TRNT1: variants seen among roughly 807,000 people sequenced by gnomAD.
TRNT1 encodes the protein CCA tRNA nucleotidyltransferase 1, mitochondrial.
A neutral mutation model predicts 45.6 loss-of-function variants in TRNT1; 44 were observed. The observed-to-expected ratio is 0.97, with a 90% confidence interval of 0.76 to 1.24. TRNT1 has a LOEUF of 1.24. Ranked by LOEUF, TRNT1 falls within the 50% of genes most tolerant of loss-of-function variation. TRNT1 has a pLI of 0.00. For missense variants in TRNT1, 633 were observed against 504.4 expected (o/e 1.25, Z -2.44); for synonymous variants, 201 against 171.4 (o/e 1.17, Z -1.35).
chr3:3,137,545 C>T lies in TRNT1; in HGVS notation c.342+92C>T. The T allele has an allele frequency of 3.5e-6, 4 of 1,148,634 alleles. No individual in the cohort carries two copies. In the East Asian group the frequency reaches 1.0e-4, roughly 30 times the overall value. The allele number at this position is 1,148,634 out of a possible 1,614,324, so 71.2% of individuals were successfully genotyped here. ...TAGTTAAAAGCAAATAACGAAAAGTCTAATAAAAAAGTCAGTCTCTTCTAT... is the reference window on the plus strand; with the variant it reads ...TAGTTAAAAGCAAATAACGAAAAGTTTAATAAAAAAGTCAGTCTCTTCTAT... On this transcript the variant is annotated intron_variant, in intron 3 of 7. Coordinates refer to ENST00000251607, the MANE Select transcript of TRNT1 (RefSeq NM_182916.3).
At chr3:3,152,336 C>A (rs1706623726), downstream of TRNT1, 1 of 1,114,332 alleles carries the variant, frequency 9.0e-7, no homozygotes, top group East Asian at 2.4e-5. Flanking sequence ...TAGCAAATTA[C>A]TCATTTGTCT....
chr3:3,135,462 G>C (rs1281305095), intron 2 of TRNT1, among the ~76,000 whole-genome samples: 1 of 151,948 alleles, frequency 6.6e-6, no homozygotes, highest in Non-Finnish European at 1.5e-5. Context: ...CTGGATTTAA[G>C]GGAGGTGATG....
Position 3,148,062 on chromosome 3 carries a change from G to A in TRNT1, c.1213G>A (p.Gly405Arg), listed in dbSNP as rs769675548. The A allele has an allele frequency of 4.3e-6, 7 of 1,613,906 alleles. No homozygotes were observed. The highest frequency in any genetic ancestry group is 3.3e-5 in the Admixed American group (2 of 60,006). The change falls in exon 8 of 8, where the codon GGG becomes AGG. Residue 405 changes from glycine to arginine, a missense_variant. By Grantham distance (125) the Gly-to-Arg change is moderately radical. Transcript: ENST00000251607. Reference protein sequence around the residue: ...KVGISSGKEIGALLQQLREQW... With the variant: ...KVGISSGKEIRALLQQLREQW... ...GGGCATTTCTTCAGGAAAAGAAATT[G>A]GGGCTCTATTACAACAGTTGCGAGA...
chr3:3,152,384 T>C, downstream of TRNT1: 4 of 1,476,202 alleles, frequency 2.7e-6, no homozygotes, highest in South Asian at 3.6e-5. Flanking sequence ...CAACTCTGCT[T>C]AGGACTCTGG....
At chr3:3,138,133 C>CT (rs1319482251) in intron 3 of TRNT1, among the ~76,000 whole-genome samples, 2 of 152,182 alleles carry the variant, frequency 1.3e-5, no homozygotes, top group African/African-American at 4.8e-5. Flanking sequence ...CTTGGCCTCT[C>CT]TTTTTTGTTA....
Position 3,140,582 on chromosome 3 carries a change from G to A in TRNT1, c.415G>A (p.Glu139Lys), listed in dbSNP as rs760581090. ...VTTDGRHAEV[E>K]FTTDWQKDAE... Reference sequence around the variant, plus strand: ...CACTGATGGAAGACATGCTGAGGTAGAATTTACAACTGACTGGCAGAAAGA... The same window carrying A: ...CACTGATGGAAGACATGCTGAGGTAAAATTTACAACTGACTGGCAGAAAGA... Residue 139 changes from glutamate to lysine, a missense_variant, in exon 4 of 8, where the codon GAA (glutamate) becomes AAA (lysine). By Grantham distance (56) the Glu-to-Lys change is moderately conservative. Coordinates refer to ENST00000251607, the MANE Select transcript of TRNT1 (RefSeq NM_182916.3). 6.2e-7 allele frequency: 1 copy of A among 1,614,172 alleles called. No homozygotes were observed. The highest frequency in any genetic ancestry group is 1.6e-4 in the Middle Eastern group (1 of 6,062).
rs202044997 is a variant in TRNT1, at chr3:3,129,224, C to T, written c.148+36C>T. 1.2e-3 allele frequency: 1,901 copies of T among 1,584,592 alleles called. 5 individuals are homozygous for T. The highest frequency in any genetic ancestry group is 1.4e-3 in the South Asian group (129 of 90,252). ...AGGATACCTTTTCTTGATTGGAAAC[C>T]TATATAAATGGAGAAGTAGAGGGTT... On this transcript the variant is annotated intron_variant, in intron 2 of 7. Coordinates refer to ENST00000251607, the MANE Select transcript of TRNT1 (RefSeq NM_182916.3).
At chr3:3,149,410 GTAGTA>G (rs975587861), downstream of TRNT1, 3 of 151,918 alleles carry the variant, frequency 2.0e-5, no homozygotes, top group Non-Finnish European at 2.9e-5. Context: ...ATTTTCAGTA[GTAGTA>G]TAGTATATGT....
chr3:3,129,170 G>T lies in TRNT1; in HGVS notation c.130G>T (p.Gly44Ter), dbSNP rs775376689. ...SPEFQSLFTE[G>*]LKSLTELFVK... ...CGAATTCCAGTCACTTTTCACAGAA[G>T]GACTGAAGAGTCTGACAGGTGAGAG... The change falls in exon 2 of 8, where the codon GGA becomes TGA. Residue 44 changes from glycine to a stop codon, truncating the protein, a stop_gained. Transcript: ENST00000251607. LOFTEE classifies it high-confidence loss of function. The T allele has an allele frequency of 6.2e-7, 1 of 1,614,114 alleles. No individual in the cohort carries two copies. Among genetic ancestry groups the T allele is most frequent in the South Asian group, 1.1e-5 (1 of 91,074 alleles).
At chr3:3,139,748 G>A (rs1705531391) in intron 3 of TRNT1, among the ~76,000 whole-genome samples, 1 of 152,128 alleles carries the variant, frequency 6.6e-6, no homozygotes, top group African/African-American at 2.4e-5. Context: ...TCTCTTTTGA[G>A]ACAGGGTCTC....
intron 2 of TRNT1, chr3:3,131,676 CA>C (rs1379305458): frequency 1.9e-5 from 2 of 107,150 alleles, no homozygotes; most frequent in South Asian, 4.1e-4. Context: ...CCAGAATTGA[CA>C]AATGGGATCT....
intron 2 of TRNT1, among the ~76,000 whole-genome samples, chr3:3,134,464 G>C (rs1189261908): frequency 6.6e-6 from 1 of 152,038 alleles, no homozygotes; most frequent in African/African-American, 2.4e-5. Flanking sequence ...TTTGAGTTCT[G>C]GATCTCTTTG....
chr3:3,146,639 A>T lies in TRNT1; in HGVS notation c.802+16A>T, dbSNP rs755030575. 3 of 1,524,566 alleles carry T rather than the reference A, an allele frequency of 2.0e-6. No individual in the cohort carries two copies. Among genetic ancestry groups the T allele is most frequent in the African/African-American group, 2.8e-5 (2 of 70,726 alleles). The allele number at this position is 1,524,566 out of a possible 1,614,324, so 94.4% of individuals were successfully genotyped here. On this transcript the variant is annotated intron_variant, in intron 6 of 7. Coordinates refer to ENST00000251607, the MANE Select transcript of TRNT1 (RefSeq NM_182916.3). The stretch of plus-strand genomic sequence containing the variant: ...CCTTATATAGGTGAGAGCAAGTTAT[A>T]AAGTGTTTGAATTTTTGGCAGTGAA...
At chr3:3,151,061 A>G, downstream of TRNT1, 1 of 1,613,472 alleles carries the variant, frequency 6.2e-7, no homozygotes, top group Non-Finnish European at 8.5e-7. Flanking sequence ...AAATTAAGGA[A>G]AGATATCAGC....
Position 3,144,584 on chromosome 3 carries a change from G to A in TRNT1, c.482G>A (p.Gly161Asp), listed in dbSNP as rs1705865171. 1.9e-6 allele frequency: 3 copies of A among 1,575,672 alleles called. No homozygotes were observed. The highest frequency in any genetic ancestry group is 2.6e-6 in the Non-Finnish European group (3 of 1,160,106). Reference protein sequence around the residue: ...RDLTINSMFLGFDGTLFDYFN... With the variant: ...RDLTINSMFLDFDGTLFDYFN... ...TTCTCCCTCCTTTTCTAATGAATAG[G>A]TTTTGATGGCACTTTATTTGACTAC... The change falls in exon 5 of 8, where the codon GGT (glycine) becomes GAT (aspartate). Residue 161 changes from glycine to aspartate, a missense_variant and splice_region_variant. Transcript: ENST00000251607.
downstream of TRNT1, among the ~76,000 whole-genome samples, chr3:3,151,638 T>A (rs1706560602): frequency 6.6e-6 from 1 of 152,242 alleles, no homozygotes; most frequent in South Asian, 2.1e-4. Context: ...CATTTATTTA[T>A]AGTAACAAAT....
At chr3:3,152,423 G>GAAAAAAAAAAA (rs11414437), downstream of TRNT1, 3 of 1,486,980 alleles carry the variant, frequency 2.0e-6, no homozygotes, top group East Asian at 2.6e-5. Context: ...GGTAAAAAAA[G>GAAAAAAAAAAA]AAAAAAAAAA....
rs773050420 is a variant in TRNT1, at chr3:3,137,435, C to A, written c.324C>A (p.His108Gln). ...IRMINNRGEK[H>Q]GTITARLHEE... ...TGATAAACAACAGAGGAGAAAAGCA[C>A]GGAACAATTACTGCCAGGGTGAGTC... Residue 108 changes from histidine (H) to glutamine (Q), a missense_variant, in exon 3 of 8, where the codon CAC becomes CAA. By Grantham distance (24) the His-to-Gln change is conservative. Coordinates refer to ENST00000251607, the MANE Select transcript of TRNT1 (RefSeq NM_182916.3). 2.5e-6 allele frequency: 4 copies of A among 1,610,564 alleles called. No individual in the cohort carries two copies. The Admixed American group carries it at 5.1e-5, about 20-fold the overall frequency.
intron 3 of TRNT1, among the ~76,000 whole-genome samples, chr3:3,139,491 C>G (rs943289333): frequency 6.6e-6 from 1 of 152,192 alleles, no homozygotes; most frequent in Non-Finnish European, 1.5e-5. Context: ...TTCTCTACTC[C>G]TAAATGCTAA....
Sources: gnomAD v4.1 joint callset for allele counts (sites outside exome capture counted in the v4.1 genomes callset) on GRCh38, gnomAD v4.1.1 for gene constraint, MANE v1.5 for transcripts, NCBI Gene and HGNC (gene_info 2026-07-23, HGNC 2026-07-21) for gene names.